SPINT2: variants seen among roughly 807,000 people sequenced by gnomAD.
SPINT2 encodes kunitz-type protease inhibitor 2.
A neutral mutation model predicts 30.1 loss-of-function variants in SPINT2; 18 were observed. The ratio of observed to expected loss-of-function variants is 0.60; its 90% CI spans 0.41 to 0.89. The LOEUF (loss-of-function observed/expected upper bound fraction) is 0.89, where lower values mean the gene tolerates loss of function less well. Among genes scored for constraint, SPINT2 ranks in the 40% least tolerant of loss-of-function variants. The pLI is 0.00. For synonymous variants in SPINT2, 139 were observed against 137.9 expected (o/e 1.01, Z -0.05); for missense variants, 276 against 334.3 (o/e 0.83, Z 1.36).
chr19:38,272,595 G>C (rs1392254701), intron 1 of SPINT2, among the ~76,000 whole-genome samples: 1 of 152,150 alleles, frequency 6.6e-6, no homozygotes, highest in Non-Finnish European at 1.5e-5. Context: ...CTATTCAGAT[G>C]GACTGCTCGG....
intron 4 of SPINT2, chr19:38,289,515 T>TAAAA: frequency 6.1e-6 from 1 of 162,686 alleles, no homozygotes. Flanking sequence ...AAAAAAAAAC[T>TAAAA]CCGAAGAAAC....
intron 1 of SPINT2, among the ~76,000 whole-genome samples, chr19:38,269,581 T>C (rs1218791111): frequency 6.6e-6 from 1 of 150,758 alleles, no homozygotes; most frequent in Non-Finnish European, 1.5e-5. Flanking sequence ...AATTTTTGTA[T>C]TTTTAGTTGA....
chr19:38,268,079 G>C (rs866623523), intron 1 of SPINT2, among the ~76,000 whole-genome samples: 3 of 152,134 alleles, frequency 2.0e-5, no homozygotes, highest in Admixed American at 6.6e-5. Context: ...CCAGGAGTTG[G>C]GGGAGGGGAG....
chr19:38,277,205 T>C (rs891467095), intron 1 of SPINT2, among the ~76,000 whole-genome samples: 3 of 152,226 alleles, frequency 2.0e-5, no homozygotes, highest in Non-Finnish European at 2.9e-5. Flanking sequence ...GCTGCAATTA[T>C]GCATTTTTGG....
At chr19:38,276,574 G>A (rs1197247687) in intron 1 of SPINT2, among the ~76,000 whole-genome samples, 9 of 151,596 alleles carry the variant, frequency 5.9e-5, no homozygotes, top group Admixed American at 3.9e-4. Flanking sequence ...CCCAGGAGGC[G>A]GAGCTTTCAG....
intron 1 of SPINT2, among the ~76,000 whole-genome samples, chr19:38,276,258 G>A (rs868545377): frequency 6.6e-6 from 1 of 152,156 alleles, no homozygotes; most frequent in African/African-American, 2.4e-5. Context: ...ACGTGGTGAG[G>A]CAAGAAGCTC....
chr19:38,285,485 C>T (rs1288315587), intron 2 of SPINT2, among the ~76,000 whole-genome samples: 2 of 152,176 alleles, frequency 1.3e-5, no homozygotes, highest in African/African-American at 4.8e-5. Flanking sequence ...GCTGGGACTA[C>T]AGGCGTGCAC....
At chr19:38,274,307 TG>T (rs1360246627) in intron 1 of SPINT2, among the ~76,000 whole-genome samples, 4 of 152,024 alleles carry the variant, frequency 2.6e-5, no homozygotes, top group African/African-American at 7.2e-5. Flanking sequence ...TTCACAACAA[TG>T]TTTTTTCTTT....
chr19:38,269,607 C>CTTTTTTTT (rs1189751582), intron 1 of SPINT2, among the ~76,000 whole-genome samples: 1 of 106,190 alleles, frequency 9.4e-6, no homozygotes, highest in Non-Finnish European at 1.9e-5. Flanking sequence ...GATTTCTTTT[C>CTTTTTTTT]TTTTTTTTTT....
At position 38,289,172 on chromosome 19, in the gene SPINT2, C is replaced by T. The variant is rs1234592002; in HGVS notation, c.372C>T (p.Ser124=). ...GGCAGGATTCTGAAGACCACTCCAG[C>T]GATATGTTCAACTATGAAGGTAAAA... ...PRRQDSEDHS[S]DMFNYEEYCT... The change falls in exon 4 of 7, where the codon AGC becomes AGT. Residue 124 remains serine (S), a synonymous_variant. Coordinates refer to ENST00000301244, the MANE Select transcript of SPINT2 (RefSeq NM_021102.4). 3.1e-6 allele frequency: 5 copies of T among 1,613,712 alleles called. No homozygotes were observed. The highest frequency in any genetic ancestry group is 4.5e-5 in the East Asian group (2 of 44,866).
chr19:38,284,384 T>G (rs1476716129), intron 2 of SPINT2, among the ~76,000 whole-genome samples: 1 of 152,242 alleles, frequency 6.6e-6, no homozygotes, highest in Non-Finnish European at 1.5e-5. Flanking sequence ...CGTGAGCCAC[T>G]GTGCCCAGCC....
At chr19:38,265,292 G>C in intron 1 of SPINT2, 1 of 249,916 alleles carries the variant, frequency 4.0e-6, no homozygotes, top group South Asian at 6.2e-5. Flanking sequence ...TGGCAAGAAC[G>C]GGGTGAGGAG....
intron 1 of SPINT2, among the ~76,000 whole-genome samples, chr19:38,283,260 A>G (rs934731174): frequency 8.5e-5 from 13 of 152,162 alleles, no homozygotes; most frequent in African/African-American, 2.9e-4. Flanking sequence ...GGTTGCAGTG[A>G]GCTGAGATCG....
intron 3 of SPINT2, chr19:38,288,929 C>T (rs1042535468): frequency 2.8e-5 from 16 of 570,482 alleles, no homozygotes; most frequent in Non-Finnish European, 4.7e-5. Flanking sequence ...CCTGAGGTGG[C>T]GGCAGGGCCA....
intron 4 of SPINT2, 132 bp from the exon 5 acceptor site, chr19:38,289,987 T>C (rs1417658107): frequency 1.2e-5 from 12 of 1,034,174 alleles, no homozygotes; most frequent in Non-Finnish European, 1.8e-5. Flanking sequence ...TTGGGTGTAA[T>C]TTACAGGCTT....
chr19:38,280,872 T>A (rs76669970), intron 1 of SPINT2, among the ~76,000 whole-genome samples: 1 of 152,206 alleles, frequency 6.6e-6, no homozygotes, highest in Non-Finnish European at 1.5e-5. Flanking sequence ...GTGTACAATA[T>A]TCCCCTGAAG....
intron 1 of SPINT2, among the ~76,000 whole-genome samples, chr19:38,270,712 C>T (rs1968444591): frequency 6.6e-6 from 1 of 152,242 alleles, no homozygotes; most frequent in African/African-American, 2.4e-5. Context: ...GGAGAAATCA[C>T]ACTTCTCCTC....
intron 1 of SPINT2, 85 bp downstream of exon 1, chr19:38,265,083 CG>C: frequency 1.2e-6 from 1 of 836,004 alleles, no homozygotes; most frequent in Non-Finnish European, 1.6e-6. Flanking sequence ...GGAGAACTGG[CG>C]GGGGAGGAAA....
rs190744963 is a variant in SPINT2, at chr19:38,268,192, C to T, written c.106+3194C>T. The stretch of plus-strand genomic sequence containing the variant: ...TGGTCTATGATTGATGTGTTGGTGA[C>T]GCTCTGAGTAGTGAGGGCAGGTGGG... On this transcript the variant is annotated intron_variant, in intron 1 of 6. Transcript: ENST00000301244. Among the ~76,000 whole-genome samples the T allele has an allele frequency of 3.3e-5, 5 of 152,068 alleles. No homozygotes were observed. The East Asian group carries it at 7.8e-4, about 24-fold the overall frequency.
Sources: gnomAD v4.1 joint callset for allele counts (sites outside exome capture counted in the v4.1 genomes callset) on GRCh38, gnomAD v4.1.1 for gene constraint, MANE v1.5 for transcripts, NCBI Gene and HGNC (gene_info 2026-07-23, HGNC 2026-07-21) for gene names.